FGD5: variants seen among roughly 807,000 people sequenced by gnomAD.
The protein encoded by FGD5 is FYVE, RhoGEF and PH domain-containing protein 5.
Under a neutral mutation model 133.4 loss-of-function variants are expected in FGD5, and 28 were observed. The observed-to-expected ratio is 0.21, with a 90% CI of 0.16 to 0.29. FGD5 has a LOEUF of 0.29. FGD5 is among the 10% of genes least tolerant of loss of function. The probability of loss-of-function intolerance (pLI) is 1.00; values close to 1 mark genes in which losing one functional copy is unlikely to be tolerated. For missense variants in FGD5, 1,858 were observed against 1,895.2 expected (o/e 0.98, Z 0.36); for synonymous variants, 810 against 776.5 (o/e 1.04, Z -0.72).
intron 1 of FGD5, among the ~76,000 whole-genome samples, chr3:14,830,367 A>G (rs537832789): frequency 6.5e-4 from 99 of 152,342 alleles, no homozygotes; most frequent in African/African-American, 2.4e-3. Flanking sequence ...TTTTAATTAA[A>G]TGCAATAAAA....
At chr3:14,926,228 CCT>C (rs2038800783) in intron 18 of FGD5, 30 bp downstream of exon 18, 1 of 1,610,762 alleles carries the variant, frequency 6.2e-7, no homozygotes, top group Non-Finnish European at 8.5e-7. Context: ...TCTCCCCTCT[CCT>C]CTCTCCTGTG....
At chr3:14,843,006 A>G (rs1408246245) in intron 1 of FGD5, among the ~76,000 whole-genome samples, 6 of 152,126 alleles carry the variant, frequency 3.9e-5, no homozygotes. Context: ...GTATATTTTT[A>G]AGTGTTTGTT....
In FGD5 at chr3:14,819,801, C is replaced by A; in HGVS notation, c.730C>A (p.Gln244Lys). 6.3e-7 allele frequency: 1 copy of A among 1,581,828 alleles called. No individual in the cohort carries two copies. Among genetic ancestry groups the A allele is most frequent in the Non-Finnish European group, 8.6e-7 (1 of 1,164,066 alleles). ...GPDRPTEDMG[Q>K]DAEDTSEEPP... ...TGACAGGCCCACGGAGGACATGGGA[C>A]AGGATGCTGAGGACACCAGTGAGGA... The change falls in exon 1 of 20, where the codon CAG (glutamine) becomes AAG (lysine). Residue 244 changes from glutamine (Q) to lysine (K), a missense_variant. By Grantham distance (53) the Gln-to-Lys change is moderately conservative (BLOSUM62 1). Around this residue, in one of 3 missense-constraint regions of FGD5, gnomAD observed 1,824 missense variants for 1,848.9 expected, o/e 0.99. Transcript: ENST00000285046. The surrounding 1 kb of genome is among the most constrained non-coding windows in gnomAD (Gnocchi z 4.1).
intron 1 of FGD5, among the ~76,000 whole-genome samples, chr3:14,844,703 C>G (rs967294130): frequency 4.6e-5 from 7 of 152,120 alleles, no homozygotes; most frequent in Admixed American, 3.3e-4. Context: ...CTCTGTGCCT[C>G]AGTTTTCTCA....
chr3:14,884,913 A>G (rs1436738068), intron 4 of FGD5, among the ~76,000 whole-genome samples: 2 of 152,010 alleles, frequency 1.3e-5, no homozygotes, highest in East Asian at 3.9e-4. Flanking sequence ...TGCTGGAGGC[A>G]TTCACTCCCT....
At chr3:14,898,390 T>C (rs2038175799) in intron 6 of FGD5, among the ~76,000 whole-genome samples, 1 of 151,840 alleles carries the variant, frequency 6.6e-6, no homozygotes, top group Non-Finnish European at 1.5e-5. Context: ...AGCCGTGGAG[T>C]GTTCAAGGAA....
At chr3:14,932,439 T>G (rs2038914897) in intron 18 of FGD5, 138 bp from the exon 19 acceptor site, 2 of 946,934 alleles carry the variant, frequency 2.1e-6, no homozygotes, top group South Asian at 3.8e-5. Context: ...GGGTCAACAG[T>G]TTGTGTGTGG....
intron 1 of FGD5, among the ~76,000 whole-genome samples, chr3:14,822,937 T>A (rs1229031095): frequency 6.6e-6 from 1 of 152,196 alleles, no homozygotes; most frequent in Admixed American, 6.5e-5. Context: ...TTCTCTTGAG[T>A]ATTTTGCATG....
chr3:14,832,257 C>T (rs1043211611), intron 1 of FGD5, among the ~76,000 whole-genome samples: 3 of 152,194 alleles, frequency 2.0e-5, no homozygotes, highest in African/African-American at 7.2e-5. Context: ...GGCAAACAGA[C>T]ACTTTTACGT....
intron 7 of FGD5, among the ~76,000 whole-genome samples, chr3:14,900,056 G>A (rs997234794): frequency 6.6e-6 from 1 of 152,190 alleles, no homozygotes; most frequent in African/African-American, 2.4e-5. Flanking sequence ...ATGCACTACA[G>A]GTTCCACACA....
upstream of FGD5, among the ~76,000 whole-genome samples, chr3:14,817,111 C>A (rs2036381467): frequency 6.6e-6 from 1 of 152,096 alleles, no homozygotes; most frequent in Admixed American, 6.5e-5. Context: ...TGTCAAACAC[C>A]TCATTAATAC....
intron 1 of FGD5, 90 bp downstream of exon 1, chr3:14,821,686 A>C: frequency 7.0e-7 from 1 of 1,434,110 alleles, no homozygotes. Flanking sequence ...CTTGCTTTCC[A>C]GCCTCAGGCT....
chr3:14,933,263 C>G lies in FGD5; in HGVS notation c.*96C>G, dbSNP rs1346648922. ...TGGCTCAACTCATCCGGACACACACCTGGATTCAGCAATGAGGCCTGACCT... is the reference window on the plus strand; with the variant it reads ...TGGCTCAACTCATCCGGACACACACGTGGATTCAGCAATGAGGCCTGACCT... On this transcript the variant is annotated 3_prime_UTR_variant, in exon 20 of 20. Transcript: ENST00000285046. The G allele has an allele frequency of 9.1e-6, 13 of 1,420,996 alleles. No individual in the cohort carries two copies. Among genetic ancestry groups the G allele is most frequent in the Non-Finnish European group, 1.2e-5 (12 of 1,024,244 alleles). 88.0% of individuals were successfully genotyped at this position (1,420,996 alleles called of 1,614,324 possible). A position where few individuals can be genotyped will look rare whatever the true frequency, so the allele number is the denominator to read the frequency against.
chr3:14,839,651 G>T (rs772535908), intron 1 of FGD5, among the ~76,000 whole-genome samples: 1 of 152,182 alleles, frequency 6.6e-6, no homozygotes, highest in Non-Finnish European at 1.5e-5. Context: ...TAAGAATGTT[G>T]GCCAGGCGCA....
At chr3:14,905,871 G>GT (rs2038328037) in intron 9 of FGD5, among the ~76,000 whole-genome samples, 1 of 152,102 alleles carries the variant, frequency 6.6e-6, no homozygotes, top group African/African-American at 2.4e-5. Flanking sequence ...CAGGCATTAT[G>GT]TGTAGAAGCA....
Position 14,917,384 on chromosome 3 carries a change from G to T in FGD5, c.3489+52G>T. The T allele has an allele frequency of 6.6e-7, 1 of 1,522,290 alleles. No individual in the cohort carries two copies. The allele number at this position is 1,522,290 out of a possible 1,614,324, so 94.3% of individuals were successfully genotyped here. On this transcript the variant is annotated intron_variant, in intron 12 of 19. Transcript: ENST00000285046. This position sits in a 1 kb window ranked among gnomAD's most constrained non-coding sequence, Gnocchi z 4.1. Reference sequence around the variant, plus strand: ...GGGTTGGGGGACAGGGAGACCCCAGGGGAGAAGGGGACAGCATCCTGCTCC... The same window carrying T: ...GGGTTGGGGGACAGGGAGACCCCAGTGGAGAAGGGGACAGCATCCTGCTCC...
chr3:14,896,588 A>G (rs1026805411), intron 4 of FGD5, among the ~76,000 whole-genome samples: 2 of 151,820 alleles, frequency 1.3e-5, no homozygotes, highest in African/African-American at 4.8e-5. Context: ...CTCGTGCCTC[A>G]GCCTCCCGAG....
chr3:14,896,504 C>T (rs868560646), intron 4 of FGD5, among the ~76,000 whole-genome samples: 21 of 150,360 alleles, frequency 1.4e-4, no homozygotes, highest in Non-Finnish European at 2.2e-4. Flanking sequence ...GAGTTTTATT[C>T]TTCTTCCCCA....
In FGD5 at chr3:14,932,544, T is replaced by G. The variant is rs765549950; in HGVS notation, c.4198-33T>G. 3 of 1,601,506 alleles carry G rather than the reference T, an allele frequency of 1.9e-6. No individual in the cohort carries two copies. The African/African-American group carries it at 4.0e-5, about 22-fold the overall frequency. ...GTAAATGACTATGCAGAGTGTGGTG[T>G]TTAATGTCAATTTTTCCTTCTGTCC... On this transcript the variant is annotated intron_variant, in intron 18 of 19. Coordinates refer to ENST00000285046, the MANE Select transcript of FGD5 (RefSeq NM_152536.4).
Sources: gnomAD v4.1 joint callset for allele counts (sites outside exome capture counted in the v4.1 genomes callset) on GRCh38, gnomAD v4.1.1 for gene constraint, gnomAD v4.1.1 regional missense constraint, Gnocchi (gnomAD v3.1) non-coding constraint, MANE v1.5 for transcripts, NCBI Gene and HGNC (gene_info 2026-07-23, HGNC 2026-07-21) for gene names.